Variants in ZDHHC14 observed in about 807,000 individuals in gnomAD.
The protein encoded by ZDHHC14 is zDHHC palmitoyltransferase 14.
Under a neutral mutation model 47.7 loss-of-function variants are expected in ZDHHC14, and 16 were observed. The ratio of observed to expected loss-of-function variants is 0.34; its 90% CI spans 0.23 to 0.51. The LOEUF is 0.51. Among genes scored for constraint, ZDHHC14 ranks in the 20% least tolerant of loss-of-function variants. The pLI is 0.97. For synonymous variants in ZDHHC14, 293 were observed against 278.9 expected (o/e 1.05, Z -0.50); for missense variants, 515 against 662.5 (o/e 0.78, Z 2.44).
rs999633290 is a variant in ZDHHC14, at chr6:157,676,085, C to G, written c.*2963C>G. On this transcript the variant is annotated 3_prime_UTR_variant, in exon 9 of 9. Coordinates refer to ENST00000359775, the MANE Select transcript of ZDHHC14 (RefSeq NM_024630.3). Reference sequence around the variant, plus strand: ...ATGCTGCAGGAAGGTGGCAGACAGCCTGCATCCAGGAGGGCCCCAGGAAGT... The same window carrying G: ...ATGCTGCAGGAAGGTGGCAGACAGCGTGCATCCAGGAGGGCCCCAGGAAGT... 6.6e-6 allele frequency: 1 copy of G among 152,208 alleles called. No homozygotes were observed. The highest frequency in any genetic ancestry group is 2.4e-5 in the African/African-American group (1 of 41,452). 9.4% of individuals were successfully genotyped at this position (152,208 alleles called of 1,614,324 possible).
chr6:157,509,710 G>C (rs1269130679), intron 1 of ZDHHC14, among the ~76,000 whole-genome samples: 2 of 152,204 alleles, frequency 1.3e-5, no homozygotes, highest in Non-Finnish European at 2.9e-5. Context: ...GCCCATTTAA[G>C]GCCTTCAAGT....
At chr6:157,544,899 C>G (rs1000394727) in intron 2 of ZDHHC14, among the ~76,000 whole-genome samples, 2 of 152,298 alleles carry the variant, frequency 1.3e-5, no homozygotes, top group East Asian at 3.9e-4. Context: ...CTAGATATGT[C>G]CACACAAGGA....
Position 157,520,218 on chromosome 6 carries a change from C to T in ZDHHC14, c.246-22367C>T, listed in dbSNP as rs9331340. Among the ~76,000 whole-genome samples the T allele has an allele frequency of 5.5e-3, 836 of 152,276 alleles. 8 individuals are homozygous for T. Among genetic ancestry groups the T allele is most frequent in the African/African-American group, 0.019 (798 of 41,544 alleles). ...CCCCAACCTGACTGCAGGGGAGGAGCCTCCAGGAAGATTTAGCTGTCATTC... is the reference window on the plus strand; with the variant it reads ...CCCCAACCTGACTGCAGGGGAGGAGTCTCCAGGAAGATTTAGCTGTCATTC... On this transcript the variant is annotated intron_variant, in intron 1 of 8. Coordinates refer to ENST00000359775, the MANE Select transcript of ZDHHC14 (RefSeq NM_024630.3).
chr6:157,645,645 C>A, intron 5 of ZDHHC14, 92 bp from the exon 6 acceptor site: 1 of 936,614 alleles, frequency 1.1e-6, no homozygotes. Flanking sequence ...TAGAGAGAGG[C>A]CTGTGCCCGG....
intron 1 of ZDHHC14, among the ~76,000 whole-genome samples, chr6:157,411,350 G>A (rs1033798958): frequency 3.9e-5 from 6 of 152,182 alleles, no homozygotes; most frequent in African/African-American, 1.4e-4. Context: ...GGGGCTGTAA[G>A]GGCAGTAAGG....
intron 1 of ZDHHC14, among the ~76,000 whole-genome samples, chr6:157,384,475 C>T (rs766670244): frequency 3.9e-5 from 6 of 152,116 alleles, no homozygotes; most frequent in Non-Finnish European, 8.8e-5. Context: ...ATGTGTGCGC[C>T]GGGATTTTAT....
intron 1 of ZDHHC14, among the ~76,000 whole-genome samples, chr6:157,397,565 A>G (rs1353547358): frequency 6.6e-6 from 1 of 152,188 alleles, no homozygotes; most frequent in Non-Finnish European, 1.5e-5. Context: ...TCTGCTTTTA[A>G]GAACCCATGG....
chr6:157,566,673 C>T (rs961900300), intron 2 of ZDHHC14, among the ~76,000 whole-genome samples: 2 of 152,102 alleles, frequency 1.3e-5, no homozygotes, highest in African/African-American at 4.8e-5. Flanking sequence ...TTAGCCCAGG[C>T]GAGCTACCAC....
intron 7 of ZDHHC14, among the ~76,000 whole-genome samples, chr6:157,649,914 A>T (rs1777739004): frequency 6.6e-6 from 1 of 152,190 alleles, no homozygotes. Flanking sequence ...TTGACTGCCC[A>T]TGTGCGGTGG....
chr6:157,675,330 T>TGGGCCAGGCCCAGCAC lies in ZDHHC14; in HGVS notation c.*2209_*2210insGGCCAGGCCCAGCACG. The TGGGCCAGGCCCAGCAC allele has an allele frequency of 1.3e-5, 2 of 152,338 alleles. No individual in the cohort carries two copies. Among genetic ancestry groups the TGGGCCAGGCCCAGCAC allele is most frequent in the Admixed American group, 1.3e-4 (2 of 15,298 alleles). 9.4% of individuals were successfully genotyped at this position (152,338 alleles called of 1,614,324 possible). On this transcript the variant is annotated 3_prime_UTR_variant, in exon 9 of 9. Transcript: ENST00000359775. ...TGACCAGCCCTTCTTCCCACCTCAC[T>TGGGCCAGGCCCAGCAC]GTGAAAAATTCCCAGAAGCCAGGAT...
chr6:157,393,154 C>T (rs1777453411), intron 1 of ZDHHC14, among the ~76,000 whole-genome samples: 1 of 152,246 alleles, frequency 6.6e-6, no homozygotes. Flanking sequence ...GCTGGAATTA[C>T]AGGCGTGAGC....
chr6:157,444,373 A>G (rs1428773072), intron 1 of ZDHHC14, among the ~76,000 whole-genome samples: 1 of 152,194 alleles, frequency 6.6e-6, no homozygotes, highest in Non-Finnish European at 1.5e-5. Context: ...CTCCAAGAGA[A>G]CACTCAGTAA....
At position 157,586,342 on chromosome 6, in the gene ZDHHC14, A is replaced by G. The variant is rs535897155; in HGVS notation, c.407-6646A>G. On this transcript the variant is annotated intron_variant, in intron 2 of 8. Coordinates refer to ENST00000359775, the MANE Select transcript of ZDHHC14 (RefSeq NM_024630.3). This position sits in a 1 kb window ranked among gnomAD's most constrained non-coding sequence, Gnocchi z 4.6. Reference sequence around the variant, plus strand: ...CTGGAACTGGCCCTCAAAGGATAGGATTATCTGCGCAGACAGCAGGAGAGG... The same window carrying G: ...CTGGAACTGGCCCTCAAAGGATAGGGTTATCTGCGCAGACAGCAGGAGAGG... Among the ~76,000 whole-genome samples, 82 of 152,284 alleles carry G rather than the reference A, an allele frequency of 5.4e-4. No homozygotes were observed. Among genetic ancestry groups the G allele is most frequent in the African/African-American group, 1.8e-3 (73 of 41,558 alleles).
At chr6:157,661,862 C>T (rs138101373) in intron 8 of ZDHHC14, among the ~76,000 whole-genome samples, 20 of 152,264 alleles carry the variant, frequency 1.3e-4, no homozygotes, top group African/African-American at 4.1e-4. Flanking sequence ...CTCGCTGTGT[C>T]GCCCAGGCTG....
intron 3 of ZDHHC14, among the ~76,000 whole-genome samples, chr6:157,626,428 T>C (rs544423536): frequency 3.9e-5 from 6 of 152,316 alleles, no homozygotes; most frequent in South Asian, 4.1e-4. Flanking sequence ...CGTTGACACA[T>C]AGATAGATTT....
chr6:157,453,034 C>A (rs991888613), intron 1 of ZDHHC14, among the ~76,000 whole-genome samples: 1 of 151,944 alleles, frequency 6.6e-6, no homozygotes, highest in Non-Finnish European at 1.5e-5. Context: ...AAGCACAATA[C>A]TCTTCTTTTC....
intron 3 of ZDHHC14, among the ~76,000 whole-genome samples, chr6:157,596,684 G>A (rs1784147316): frequency 6.6e-6 from 1 of 152,132 alleles, no homozygotes; most frequent in Non-Finnish European, 1.5e-5. Flanking sequence ...AACGCTCCCA[G>A]CTGTTACCAC....
At chr6:157,528,420 C>T (rs1289103637) in intron 1 of ZDHHC14, among the ~76,000 whole-genome samples, 1 of 152,042 alleles carries the variant, frequency 6.6e-6, no homozygotes, top group Non-Finnish European at 1.5e-5. Context: ...TGGGAGTGGG[C>T]ATTAATCAAT....
intron 5 of ZDHHC14, among the ~76,000 whole-genome samples, chr6:157,633,728 A>C (rs948328638): frequency 6.6e-6 from 1 of 152,162 alleles, no homozygotes; most frequent in Non-Finnish European, 1.5e-5. Context: ...TCACCCACCC[A>C]GGCTGGAGTG....
Sources: gnomAD v4.1 joint callset for allele counts (sites outside exome capture counted in the v4.1 genomes callset) on GRCh38, gnomAD v4.1.1 for gene constraint, Gnocchi (gnomAD v3.1) non-coding constraint, MANE v1.5 for transcripts, NCBI Gene and HGNC (gene_info 2026-07-23, HGNC 2026-07-21) for gene names.